Variants in TFEC observed in about 807,000 individuals in gnomAD.
TFEC encodes class E basic helix-loop-helix protein 34.
In TFEC, 31 loss-of-function variants were observed where a neutral mutation model predicts 41.6. That is an observed-to-expected ratio of 0.74 (90% confidence interval 0.56 to 1.01). TFEC has a LOEUF of 1.01. Among genes scored for constraint, TFEC ranks in the 50% least tolerant of loss-of-function variants. The probability of loss-of-function intolerance (pLI) is 0.00; values close to 1 mark genes in which losing one functional copy is unlikely to be tolerated. For missense variants in TFEC, 402 were observed against 404.1 expected (o/e 0.99, Z 0.04); for synonymous variants, 143 against 140.6 (o/e 1.02, Z -0.12).
intron 1 of TFEC, among the ~76,000 whole-genome samples, chr7:116,124,012 T>C (rs1798161307): frequency 2.0e-5 from 3 of 152,010 alleles, no homozygotes; most frequent in Admixed American, 2.0e-4. Flanking sequence ...TGTCTATGGG[T>C]AAGTGACAAG....
intron 1 of TFEC, among the ~76,000 whole-genome samples, chr7:116,159,269 A>T (rs1487933738): frequency 6.6e-6 from 1 of 151,984 alleles, no homozygotes; most frequent in Non-Finnish European, 1.5e-5. Flanking sequence ...CAAATTTTCA[A>T]ATTTATGAAA....
chr7:116,107,719 G>C (rs1175141507), intron 3 of TFEC, among the ~76,000 whole-genome samples: 1 of 152,246 alleles, frequency 6.6e-6, no homozygotes, highest in Middle Eastern at 3.4e-3. Context: ...CAATAATAAA[G>C]CTAGTGAGAA....
intron 1 of TFEC, among the ~76,000 whole-genome samples, chr7:116,138,359 A>G (rs1358147253): frequency 2.6e-5 from 4 of 152,148 alleles, no homozygotes; most frequent in Admixed American, 2.6e-4. Flanking sequence ...TATACAGTTT[A>G]ATGTTCCATT....
intron 1 of TFEC, among the ~76,000 whole-genome samples, chr7:115,998,122 T>C (rs1163650374): frequency 6.6e-6 from 1 of 151,862 alleles, no homozygotes; most frequent in Non-Finnish European, 1.5e-5. Flanking sequence ...AAACACCAAA[T>C]AGATCTAACT....
intron 2 of TFEC, among the ~76,000 whole-genome samples, chr7:115,978,558 T>C (rs1193961497): frequency 6.6e-6 from 1 of 152,196 alleles, no homozygotes; most frequent in Non-Finnish European, 1.5e-5. Flanking sequence ...CTGTTACCTT[T>C]CTGTCCAACT....
intron 3 of TFEC, among the ~76,000 whole-genome samples, chr7:116,106,131 G>A (rs968409563): frequency 6.6e-6 from 1 of 152,056 alleles, no homozygotes; most frequent in African/African-American, 2.4e-5. Flanking sequence ...TGCTTAGAAA[G>A]AAACAGTTTC....
chr7:115,952,106 T>C (rs1267421680), intron 5 of TFEC, among the ~76,000 whole-genome samples: 1 of 152,098 alleles, frequency 6.6e-6, no homozygotes, highest in Non-Finnish European at 1.5e-5. Context: ...TCAAAGACTA[T>C]CAATTGCCTT....
intron 3 of TFEC, among the ~76,000 whole-genome samples, chr7:116,036,127 C>T (rs1250901461): frequency 3.3e-5 from 5 of 151,912 alleles, no homozygotes; most frequent in Admixed American, 3.3e-4. Context: ...ATTATTTTGC[C>T]TCATTTGTCT....
chr7:115,936,275 A>G lies in TFEC; in HGVS notation c.*4276T>C, dbSNP rs1793223643. ...TCTGTATATATGTATACTAAGTCAAACTGACATACTTATCAACATATAGGG... is the reference window on the plus strand; with the variant it reads ...TCTGTATATATGTATACTAAGTCAAGCTGACATACTTATCAACATATAGGG... On this transcript the variant is annotated 3_prime_UTR_variant, in exon 8 of 8. Transcript: ENST00000265440. 6.6e-6 allele frequency: 1 copy of G among 151,624 alleles called. No homozygotes were observed. The highest frequency in any genetic ancestry group is 1.5e-5 in the Non-Finnish European group (1 of 67,610). The allele number at this position is 151,624 out of a possible 1,614,324, so 9.4% of individuals were successfully genotyped here.
At chr7:115,956,387 G>C (rs976629737) in intron 4 of TFEC, among the ~76,000 whole-genome samples, 1 of 151,862 alleles carries the variant, frequency 6.6e-6, no homozygotes, top group South Asian at 2.1e-4. Flanking sequence ...GTTAAATGAA[G>C]CTGTCTTTTA....
chr7:116,099,875 C>T (rs1359376794), intron 3 of TFEC, among the ~76,000 whole-genome samples: 2 of 152,100 alleles, frequency 1.3e-5, no homozygotes, highest in Non-Finnish European at 2.9e-5. Context: ...ATGGGTTAAT[C>T]CAATTGTGTA....
At chr7:116,061,270 A>G (rs959118065) in intron 3 of TFEC, among the ~76,000 whole-genome samples, 3 of 152,194 alleles carry the variant, frequency 2.0e-5, no homozygotes, top group Non-Finnish European at 2.9e-5. Context: ...ACAGGCATAG[A>G]TCAAAGGAAC....
intron 3 of TFEC, among the ~76,000 whole-genome samples, chr7:116,083,196 G>A (rs1210474004): frequency 6.6e-6 from 1 of 151,692 alleles, no homozygotes; most frequent in Non-Finnish European, 1.5e-5. Flanking sequence ...ATTAAAATAG[G>A]TGTAACATGA....
At chr7:115,968,062 C>T (rs959783970) in intron 3 of TFEC, 19 of 932,386 alleles carry the variant, frequency 2.0e-5, no homozygotes, top group East Asian at 8.4e-5. Context: ...ATATTTTATG[C>T]GTTTCAAAGC....
intron 1 of TFEC, among the ~76,000 whole-genome samples, chr7:115,989,093 A>G (rs955654807): frequency 1.3e-5 from 2 of 152,230 alleles, no homozygotes; most frequent in African/African-American, 2.4e-5. Context: ...GCCCTGCCTT[A>G]CAAGAAATGC....
chr7:116,059,187 A>AG (rs1263946437), intron 3 of TFEC, among the ~76,000 whole-genome samples: 4 of 151,918 alleles, frequency 2.6e-5, no homozygotes, highest in African/African-American at 9.7e-5. Context: ...ACATCACTAA[A>AG]GATGCCACAG....
intron 3 of TFEC, among the ~76,000 whole-genome samples, chr7:116,045,720 C>T (rs868005295): frequency 4.6e-5 from 7 of 152,322 alleles, no homozygotes; most frequent in Middle Eastern, 6.8e-3. Flanking sequence ...TGGAGCTGTG[C>T]GAAAACGGTC....
chr7:116,045,384 TAAG>T (rs1168270839), intron 3 of TFEC, among the ~76,000 whole-genome samples: 4 of 152,338 alleles, frequency 2.6e-5, no homozygotes, highest in African/African-American at 4.8e-5. Flanking sequence ...AAGACATTTC[TAAG>T]AAGCAAAGCT....
chr7:116,057,942 A>G (rs1796467464), intron 3 of TFEC, among the ~76,000 whole-genome samples: 1 of 151,834 alleles, frequency 6.6e-6, no homozygotes, highest in South Asian at 2.1e-4. Flanking sequence ...ACTTTGATTA[A>G]TCCAAAAAGA....
Sources: gnomAD v4.1 joint callset for allele counts (sites outside exome capture counted in the v4.1 genomes callset) on GRCh38, gnomAD v4.1.1 for gene constraint, MANE v1.5 for transcripts, NCBI Gene and HGNC (gene_info 2026-07-23, HGNC 2026-07-21) for gene names.